ADARB2: variants seen among roughly 807,000 people sequenced by gnomAD.
ADARB2 encodes the protein inactive double-stranded RNA-specific editase B2.
A neutral mutation model predicts 62.2 loss-of-function variants in ADARB2; 25 were observed. The ratio of observed to expected loss-of-function variants is 0.40; its 90% confidence interval spans 0.29 to 0.56. The LOEUF is 0.56. Ranked by LOEUF, ADARB2 falls within the 20% of genes least tolerant of loss-of-function variation. The pLI, the probability that ADARB2 is intolerant of heterozygous loss-of-function variation, is 0.43. For synonymous variants in ADARB2, 572 were observed against 500.8 expected, an observed-to-expected ratio of 1.14 and a Z score of -1.90; for missense variants, 1,071 against 1,077.4, an observed-to-expected ratio of 0.99 and a Z score of 0.08.
chr10:1,578,173 A>G (rs1833047070), intron 1 of ADARB2, among the ~76,000 whole-genome samples: 1 of 152,186 alleles, frequency 6.6e-6, no homozygotes, highest in African/African-American at 2.4e-5. Flanking sequence ...GAACGAGGTG[A>G]ACTTAAGGGG....
chr10:1,581,274 G>A (rs10751804), intron 1 of ADARB2, among the ~76,000 whole-genome samples: 77,146 of 152,126 alleles, frequency 0.51, 20,026 homozygotes, highest in East Asian at 0.64. Context: ...CAGACGTTCC[G>A]CTCGTGGGAG....
chr10:1,342,423 C>T (rs1000623007), intron 3 of ADARB2, among the ~76,000 whole-genome samples: 4 of 152,166 alleles, frequency 2.6e-5, no homozygotes, highest in African/African-American at 4.8e-5. Context: ...ATTACAGCAT[C>T]GAGAAACATT....
intron 1 of ADARB2, among the ~76,000 whole-genome samples, chr10:1,664,695 T>G (rs1439797106): frequency 6.6e-6 from 1 of 152,082 alleles, no homozygotes; most frequent in East Asian, 1.9e-4. Flanking sequence ...AGCTGAAGAC[T>G]GGGGAGATGA....
intron 1 of ADARB2, among the ~76,000 whole-genome samples, chr10:1,612,306 C>A (rs1833582401): frequency 6.6e-6 from 1 of 152,198 alleles, no homozygotes; most frequent in African/African-American, 2.4e-5. Context: ...CACGGGAAGC[C>A]AGGAGGAAAG....
chr10:1,377,066 T>C (rs1832437150), intron 2 of ADARB2, among the ~76,000 whole-genome samples: 1 of 116,992 alleles, frequency 8.5e-6, no homozygotes, highest in Non-Finnish European at 1.7e-5. Flanking sequence ...GCTCCTGGGG[T>C]GTGTGTGCGC....
intron 1 of ADARB2, among the ~76,000 whole-genome samples, chr10:1,540,612 C>T (rs1255129187): frequency 2.7e-4 from 19 of 69,412 alleles, no homozygotes; most frequent in South Asian, 1.3e-3. Flanking sequence ...CACTCAGACG[C>T]AGTTCGGACC....
chr10:1,273,809 C>T (rs768756175), intron 3 of ADARB2, among the ~76,000 whole-genome samples: 1 of 152,222 alleles, frequency 6.6e-6, no homozygotes, highest in Non-Finnish European at 1.5e-5. Context: ...CTGCAAGCCC[C>T]ATCCTGCCAG....
At chr10:1,676,106 A>G (rs2119111748) in intron 1 of ADARB2, 1 of 981,492 alleles carries the variant, frequency 1.0e-6, no homozygotes, top group Non-Finnish European at 1.2e-6. Flanking sequence ...GTTTGCAGGC[A>G]TATTAGGACA....
intron 1 of ADARB2, among the ~76,000 whole-genome samples, chr10:1,391,359 T>A (rs1317873070): frequency 6.6e-6 from 1 of 152,194 alleles, no homozygotes; most frequent in Non-Finnish European, 1.5e-5. Flanking sequence ...TAGGTGTGCC[T>A]GCCCATCAGA....
chr10:1,265,595 G>T (rs115610007), intron 4 of ADARB2, among the ~76,000 whole-genome samples: 2 of 136,378 alleles, frequency 1.5e-5, no homozygotes, highest in Non-Finnish European at 3.2e-5. Context: ...ACGCTCTCCC[G>T]GAAGACGGCC....
At chr10:1,205,789 C>T (rs775917259) in intron 7 of ADARB2, among the ~76,000 whole-genome samples, 83 of 152,352 alleles carry the variant, frequency 5.4e-4, no homozygotes, top group Non-Finnish European at 1.0e-3. Context: ...GCGTGGTGGC[C>T]GGGATGGACC....
chr10:1,305,847 C>A (rs899479396), intron 3 of ADARB2, among the ~76,000 whole-genome samples: 188 of 152,062 alleles, frequency 1.2e-3, no homozygotes, highest in Admixed American at 2.0e-3. Flanking sequence ...TGACAAAATT[C>A]AACAACCCTT....
At chr10:1,558,408 C>A (rs1233848586) in intron 1 of ADARB2, among the ~76,000 whole-genome samples, 23 of 134,528 alleles carry the variant, frequency 1.7e-4, no homozygotes, top group Non-Finnish European at 1.4e-4. Context: ...CCTCTGCCCC[C>A]CTCCGTGGGT....
intron 1 of ADARB2, among the ~76,000 whole-genome samples, chr10:1,469,638 T>C (rs1831296865): frequency 6.6e-6 from 1 of 152,176 alleles, no homozygotes; most frequent in Admixed American, 6.5e-5. Flanking sequence ...TGATGACTGG[T>C]GCCTTCTGAG....
rs548103430 is a variant in ADARB2 at position 1,344,630 on chromosome 10, A to G, written c.1077+18398T>C. ...CCACAGGGAGTCGCACACGGACCCCATGCCTTTCACAGACTGTTTCCCAGG... is the reference window on the plus strand; with the variant it reads ...CCACAGGGAGTCGCACACGGACCCCGTGCCTTTCACAGACTGTTTCCCAGG... On this transcript the variant is annotated intron_variant, in intron 3 of 9. Transcript: ENST00000381312. Among the ~76,000 whole-genome samples, 858 of 152,344 alleles carry G rather than the reference A, an allele frequency of 5.6e-3. 7 individuals are homozygous for G. Among genetic ancestry groups the G allele is most frequent in the Non-Finnish European group, 5.5e-3 (372 of 68,044 alleles).
intron 3 of ADARB2, among the ~76,000 whole-genome samples, chr10:1,327,862 GCGC>G (rs1260937614): frequency 1.4e-5 from 2 of 147,762 alleles, no homozygotes; most frequent in African/African-American, 5.1e-5. Context: ...TCACAGCTCA[GCGC>G]CTCCTCACAG....
intron 4 of ADARB2, among the ~76,000 whole-genome samples, chr10:1,247,083 C>A (rs1024182702): frequency 6.6e-6 from 1 of 152,080 alleles, no homozygotes; most frequent in African/African-American, 2.4e-5. Context: ...GTATTTTATT[C>A]TCTTTGAAGC....
At chr10:1,698,962 T>C (rs1834784457) in intron 1 of ADARB2, among the ~76,000 whole-genome samples, 1 of 152,208 alleles carries the variant, frequency 6.6e-6, no homozygotes, top group Non-Finnish European at 1.5e-5. Flanking sequence ...GGTTTCGCCA[T>C]GTTGGCCAGG....
At chr10:1,551,829 T>G (rs1037428040) in intron 1 of ADARB2, among the ~76,000 whole-genome samples, 1 of 152,142 alleles carries the variant, frequency 6.6e-6, no homozygotes, top group South Asian at 2.1e-4. Context: ...ATGTACCAAA[T>G]AGACAGGTGC....
Sources: allele counts gnomAD v4.1 joint callset (sites outside exome capture counted in the v4.1 genomes callset), GRCh38; gene constraint gnomAD v4.1.1; transcripts MANE v1.5; gene names NCBI Gene and HGNC (gene_info 2026-07-23, HGNC 2026-07-21).